XKR6: variants seen among roughly 807,000 people sequenced by gnomAD.
XKR6 encodes the protein XK-related protein 6.
XKR6 carries 22 observed loss-of-function variants against 56.7 expected under a neutral mutation model. The ratio of observed to expected loss-of-function variants is 0.39; its 90% CI spans 0.28 to 0.55. The LOEUF (loss-of-function observed/expected upper bound fraction) is 0.55, where lower values mean the gene tolerates loss of function less well. Among genes scored for constraint, XKR6 ranks in the 20% least tolerant of loss-of-function variants. The probability of loss-of-function intolerance (pLI) is 0.66; values close to 1 mark genes in which losing one functional copy is unlikely to be tolerated. For missense variants in XKR6, 852 were observed against 889.0 expected (o/e 0.96, Z 0.53); for synonymous variants, 524 against 387.8 (o/e 1.35, Z -4.13).
At chr8:11,089,139 G>A (rs1204121207) in intron 1 of XKR6, among the ~76,000 whole-genome samples, 1 of 152,154 alleles carries the variant, frequency 6.6e-6, no homozygotes, top group Non-Finnish European at 1.5e-5. Context: ...GTCCACTGGA[G>A]CATAAAGCTA....
chr8:11,054,820 G>A (rs1053316043), intron 1 of XKR6, among the ~76,000 whole-genome samples: 9 of 152,204 alleles, frequency 5.9e-5, no homozygotes, highest in African/African-American at 2.2e-4. Flanking sequence ...GGCCCTGGGA[G>A]CTCCTGGGAG....
rs1223960245 is a variant in XKR6, at chr8:10,935,527, G to C, written c.765-10697C>G. ...TTTTGGATCTTTCCTGCTTTCTCTT[G>C]TGGGCATTTAGTGCTATAAATTTCC... On this transcript the variant is annotated intron_variant, in intron 1 of 2. Coordinates refer to ENST00000416569, the MANE Select transcript of XKR6 (RefSeq NM_173683.4). Among the ~76,000 whole-genome samples, 44 of 138,926 alleles carry C rather than the reference G, an allele frequency of 3.2e-4. No homozygotes were observed. In the East Asian group the frequency reaches 8.3e-3, roughly 26 times the overall value. 91.1% of individuals were successfully genotyped at this position (138,926 alleles called of 152,430 possible).
At chr8:11,127,630 A>G (rs4841497) in intron 1 of XKR6, among the ~76,000 whole-genome samples, 54,052 of 151,902 alleles carry the variant, frequency 0.36, 10,396 homozygotes, top group African/African-American at 0.41. Context: ...TCTAGTTCTG[A>G]CCACCCTACC....
chr8:11,084,143 T>C (rs1212489216), intron 1 of XKR6, among the ~76,000 whole-genome samples: 1 of 152,242 alleles, frequency 6.6e-6, no homozygotes, highest in Non-Finnish European at 1.5e-5. Context: ...TGTGATTGCC[T>C]GGGTATCTTC....
intron 1 of XKR6, among the ~76,000 whole-genome samples, chr8:11,132,347 C>CTT (rs1701959478): frequency 6.6e-6 from 1 of 151,946 alleles, no homozygotes; most frequent in Admixed American, 6.6e-5. Context: ...AACTTACTTT[C>CTT]TTTCTTTTTC....
intron 1 of XKR6, among the ~76,000 whole-genome samples, chr8:11,082,506 G>T (rs368077515): frequency 1.3e-5 from 2 of 152,246 alleles, no homozygotes; most frequent in African/African-American, 4.8e-5. Flanking sequence ...GCTTGCCTCT[G>T]GTGTTCTTGC....
chr8:11,151,534 A>G (rs1472772882), intron 1 of XKR6, among the ~76,000 whole-genome samples: 1 of 152,150 alleles, frequency 6.6e-6, no homozygotes, highest in Admixed American at 6.5e-5. Context: ...TACCCATGTG[A>G]ACAAGATGTG....
intron 1 of XKR6, among the ~76,000 whole-genome samples, chr8:11,166,799 G>A (rs562190177): frequency 2.6e-5 from 4 of 152,146 alleles, no homozygotes; most frequent in Admixed American, 1.3e-4. Flanking sequence ...TCTGGAACTC[G>A]TGACCTCAGG....
chr8:10,995,754 C>T (rs905115121), intron 1 of XKR6, among the ~76,000 whole-genome samples: 1 of 151,430 alleles, frequency 6.6e-6, no homozygotes, highest in Admixed American at 6.6e-5. Context: ...ATCAGGAAAG[C>T]TGCCTACGAT....
intron 1 of XKR6, among the ~76,000 whole-genome samples, chr8:11,097,328 G>A (rs1014114034): frequency 3.3e-5 from 5 of 152,214 alleles, no homozygotes; most frequent in Non-Finnish European, 5.9e-5. Flanking sequence ...ACTGCAGCCA[G>A]AGTTGGTACA....
At chr8:11,102,769 T>G (rs953309450) in intron 1 of XKR6, among the ~76,000 whole-genome samples, 1 of 152,192 alleles carries the variant, frequency 6.6e-6, no homozygotes, top group Non-Finnish European at 1.5e-5. Flanking sequence ...GTGCTCAGCA[T>G]TCATGAAAAC....
intron 1 of XKR6, among the ~76,000 whole-genome samples, chr8:11,029,845 C>T (rs1230375349): frequency 6.6e-6 from 1 of 152,122 alleles, no homozygotes; most frequent in Non-Finnish European, 1.5e-5. Flanking sequence ...CAAAATCTCT[C>T]TTGGGTTCTT....
chr8:11,153,364 T>C (rs1193256726), intron 1 of XKR6, among the ~76,000 whole-genome samples: 1 of 152,238 alleles, frequency 6.6e-6, no homozygotes, highest in Non-Finnish European at 1.5e-5. Context: ...CAAGCATTTC[T>C]GAAAATGTGA....
intron 1 of XKR6, among the ~76,000 whole-genome samples, chr8:11,060,972 C>T (rs1799818499): frequency 6.6e-6 from 1 of 152,208 alleles, no homozygotes; most frequent in African/African-American, 2.4e-5. Flanking sequence ...AAACAACTTG[C>T]CCAACATCTC....
chr8:10,982,829 G>A (rs935667422), intron 1 of XKR6, among the ~76,000 whole-genome samples: 1 of 152,172 alleles, frequency 6.6e-6, no homozygotes, highest in Non-Finnish European at 1.5e-5. Flanking sequence ...AACGTATTCA[G>A]AGAGCGCAGC....
intron 1 of XKR6, among the ~76,000 whole-genome samples, chr8:11,158,600 C>T (rs1480336533): frequency 1.3e-5 from 2 of 152,166 alleles, no homozygotes; most frequent in African/African-American, 2.4e-5. Context: ...AACACAATCC[C>T]TCTTATGAAA....
intron 1 of XKR6, among the ~76,000 whole-genome samples, chr8:10,985,769 A>G (rs1420319452): frequency 6.6e-6 from 1 of 152,168 alleles, no homozygotes; most frequent in Admixed American, 6.6e-5. Context: ...TGTCTTTATT[A>G]GAAGCATGAG....
intron 1 of XKR6, among the ~76,000 whole-genome samples, chr8:11,046,301 G>A (rs1001452927): frequency 6.6e-6 from 1 of 152,148 alleles, no homozygotes; most frequent in African/African-American, 2.4e-5. Flanking sequence ...TCAGGAGGCT[G>A]AGGCAGAAGA....
intron 1 of XKR6, among the ~76,000 whole-genome samples, chr8:10,965,668 C>A (rs1031391520): frequency 1.3e-5 from 2 of 152,238 alleles, no homozygotes; most frequent in African/African-American, 4.8e-5. Context: ...TGCCCGGAAG[C>A]GCCATCTCTC....
Sources: gnomAD v4.1 joint callset for allele counts (sites outside exome capture counted in the v4.1 genomes callset) on GRCh38, gnomAD v4.1.1 for gene constraint, MANE v1.5 for transcripts, NCBI Gene and HGNC (gene_info 2026-07-23, HGNC 2026-07-21) for gene names.